Variants in RAB28 observed in about 807,000 individuals in gnomAD.
RAB28 encodes RAB28, member RAS oncogene family.
A neutral mutation model predicts 31.7 loss-of-function variants in RAB28; 24 were observed. That is an observed-to-expected ratio of 0.76 (90% CI 0.55 to 1.06). RAB28 has a LOEUF of 1.06. Ranked by LOEUF, RAB28 falls within the 50% of genes least tolerant of loss-of-function variation. The pLI is 0.00. For synonymous variants in RAB28, 100 were observed against 90.4 expected (o/e 1.11, Z -0.60); for missense variants, 254 against 258.5 (o/e 0.98, Z 0.12).
rs564698168 is a variant in RAB28 at position 13,383,809 on chromosome 4, C to A, written c.392-2215G>T. Among the ~76,000 whole-genome samples, 3 of 152,308 alleles carry A rather than the reference C, an allele frequency of 2.0e-5. No homozygotes were observed. In the East Asian group the frequency reaches 5.8e-4, roughly 29 times the overall value. Reference sequence around the variant, plus strand: ...ACGCCATGTAAGGCGTGCCTGTGCTCCCACAGGAGATTTTAGCCCTAGGGG... The same window carrying A: ...ACGCCATGTAAGGCGTGCCTGTGCTACCACAGGAGATTTTAGCCCTAGGGG... On this transcript the variant is annotated intron_variant, in intron 4 of 6. Coordinates refer to ENST00000330852, the MANE Select transcript of RAB28 (RefSeq NM_001017979.3).
At chr4:13,427,139 G>A (rs1713543114) in intron 4 of RAB28, among the ~76,000 whole-genome samples, 1 of 152,088 alleles carries the variant, frequency 6.6e-6, no homozygotes, top group African/African-American at 2.4e-5. Context: ...ATTGTTTCTA[G>A]TTTCTGAAAT....
chr4:13,398,268 T>G (rs542563890), intron 4 of RAB28, among the ~76,000 whole-genome samples: 3 of 152,202 alleles, frequency 2.0e-5, no homozygotes, highest in Non-Finnish European at 4.4e-5. Flanking sequence ...TTTATTTTAT[T>G]CATGTTTTGG....
intron 4 of RAB28, among the ~76,000 whole-genome samples, chr4:13,426,078 T>C (rs1713467176): frequency 6.6e-6 from 1 of 152,182 alleles, no homozygotes; most frequent in South Asian, 2.1e-4. Flanking sequence ...TACCATCAAA[T>C]TTATCTCTGG....
At chr4:13,375,328 AC>A (rs1378625743) in intron 6 of RAB28, among the ~76,000 whole-genome samples, 1 of 152,210 alleles carries the variant, frequency 6.6e-6, no homozygotes, top group Non-Finnish European at 1.5e-5. Flanking sequence ...AAAAGCAGGG[AC>A]ATTTTAAAGT....
At chr4:13,394,778 G>C (rs1041180685) in intron 4 of RAB28, among the ~76,000 whole-genome samples, 7 of 152,162 alleles carry the variant, frequency 4.6e-5, no homozygotes, top group South Asian at 2.1e-4. Flanking sequence ...AGCACAATAT[G>C]ATTTTGCATT....
intron 4 of RAB28, among the ~76,000 whole-genome samples, chr4:13,437,315 T>C (rs1714178057): frequency 1.3e-5 from 2 of 152,044 alleles, no homozygotes; most frequent in African/African-American, 4.8e-5. Context: ...CAAAAAGTTA[T>C]AACTAAGACC....
At chr4:13,441,517 G>A (rs1714414760) in intron 4 of RAB28, among the ~76,000 whole-genome samples, 1 of 152,114 alleles carries the variant, frequency 6.6e-6, no homozygotes, top group South Asian at 2.1e-4. Context: ...GTAAATCAAT[G>A]TGCTACAGTG....
chr4:13,463,825 G>A lies in RAB28; in HGVS notation c.262-2997C>T, dbSNP rs71609128. Among the ~76,000 whole-genome samples, 482 of 152,092 alleles carry A rather than the reference G, an allele frequency of 3.2e-3. 1 individual carries two copies. Among genetic ancestry groups the A allele is most frequent in the Non-Finnish European group, 4.9e-3 (335 of 67,978 alleles). ...TGGTGAAATTCTGAGACGAAAAAGT[G>A]AGAAAACTAAAAATATTAAAATATA... On this transcript the variant is annotated intron_variant, in intron 3 of 6. Coordinates refer to ENST00000330852, the MANE Select transcript of RAB28 (RefSeq NM_001017979.3).
intron 4 of RAB28, among the ~76,000 whole-genome samples, chr4:13,404,852 C>A (rs189437250): frequency 3.0e-4 from 45 of 151,456 alleles, no homozygotes; most frequent in Admixed American, 2.7e-3. Context: ...TTTAACAATA[C>A]TAACCAGTTT....
chr4:13,482,269 CAT>C (rs1577256139), intron 1 of RAB28, among the ~76,000 whole-genome samples: 1 of 152,018 alleles, frequency 6.6e-6, no homozygotes, highest in Admixed American at 6.5e-5. Context: ...AAAGAGGAAA[CAT>C]GTATGATAGG....
chr4:13,478,745 C>A (rs1265385041), intron 2 of RAB28, among the ~76,000 whole-genome samples: 1 of 151,542 alleles, frequency 6.6e-6, no homozygotes, highest in Non-Finnish European at 1.5e-5. Context: ...ATTTTAAAGC[C>A]CCAATTGTTC....
chr4:13,423,555 A>G (rs1289809069), intron 4 of RAB28, among the ~76,000 whole-genome samples: 1 of 152,166 alleles, frequency 6.6e-6, no homozygotes, highest in African/African-American at 2.4e-5. Flanking sequence ...TTCAAATGTC[A>G]GTGCCGATAA....
intron 4 of RAB28, among the ~76,000 whole-genome samples, chr4:13,436,662 T>C (rs1424971877): frequency 6.6e-6 from 1 of 152,006 alleles, no homozygotes; most frequent in African/African-American, 2.4e-5. Flanking sequence ...AGGTGAAAGA[T>C]CTCTGAGGAA....
At chr4:13,418,451 T>A (rs1712925645) in intron 4 of RAB28, among the ~76,000 whole-genome samples, 1 of 151,876 alleles carries the variant, frequency 6.6e-6, no homozygotes, top group African/African-American at 2.4e-5. Flanking sequence ...CACATAATTG[T>A]CAGATTCACC....
chr4:13,381,477 A>G lies in RAB28; in HGVS notation c.495+14T>C, dbSNP rs769321121. ...AAGGAAAACATCACATACAGTATTC[A>G]TTATTTTACTTACAGAGTCTCCTGT... On this transcript the variant is annotated intron_variant, in intron 5 of 6. Coordinates refer to ENST00000330852, the MANE Select transcript of RAB28 (RefSeq NM_001017979.3). 5 of 1,553,384 alleles carry G rather than the reference A, an allele frequency of 3.2e-6. No homozygotes were observed. The South Asian group carries it at 5.6e-5, about 17-fold the overall frequency.
At chr4:13,398,670 C>T (rs999965027) in intron 4 of RAB28, among the ~76,000 whole-genome samples, 1 of 150,974 alleles carries the variant, frequency 6.6e-6, no homozygotes, top group Non-Finnish European at 1.5e-5. Flanking sequence ...CCCAGCTACT[C>T]GGGAGGCTGA....
intron 6 of RAB28, chr4:13,371,588 T>C (rs1366446377): frequency 5.1e-6 from 5 of 985,202 alleles, no homozygotes; most frequent in Non-Finnish European, 6.0e-6. Context: ...CTCAGGGGCT[T>C]TGACTCTTTG....
chr4:13,406,646 C>T (rs1712108482), intron 4 of RAB28, among the ~76,000 whole-genome samples: 1 of 152,212 alleles, frequency 6.6e-6, no homozygotes, highest in African/African-American at 2.4e-5. Flanking sequence ...TATTTCTCCA[C>T]ATCCTCTCCA....
chr4:13,379,982 C>T (rs891744518), intron 5 of RAB28, among the ~76,000 whole-genome samples: 2 of 151,574 alleles, frequency 1.3e-5, no homozygotes, highest in Admixed American at 1.3e-4. Flanking sequence ...CACTAAGTGG[C>T]AAAAAAATAC....
Sources: allele counts gnomAD v4.1 joint callset (sites outside exome capture counted in the v4.1 genomes callset), GRCh38; gene constraint gnomAD v4.1.1; transcripts MANE v1.5; gene names NCBI Gene and HGNC (gene_info 2026-07-23, HGNC 2026-07-21).